The following SNTG2 variants were observed in gnomAD, a reference collection of about 807,000 sequenced individuals.
SNTG2 encodes syntrophin gamma 2, also known as gamma-2-syntrophin.
Under a neutral mutation model 70.9 loss-of-function variants are expected in SNTG2, and 74 were observed. That is an observed-to-expected ratio of 1.04 (90% CI 0.86 to 1.27). The LOEUF (loss-of-function observed/expected upper bound fraction) is 1.27, where lower values mean the gene tolerates loss of function less well. SNTG2 is among the 50% of genes most tolerant of loss of function. The pLI is 0.00. For missense variants in SNTG2, 717 were observed against 690.7 expected (o/e 1.04, Z -0.43); for synonymous variants, 278 against 273.8 (o/e 1.02, Z -0.15).
At chr2:1,070,190 GCCCACCGGAGAC>G (rs1284105240) in intron 1 of SNTG2, among the ~76,000 whole-genome samples, 1 of 152,054 alleles carries the variant, frequency 6.6e-6, no homozygotes, top group Non-Finnish European at 1.5e-5. Context: ...ATTACCCTGA[GCCCACCGGAGAC>G]CCCACCTGAC....
intron 12 of SNTG2, among the ~76,000 whole-genome samples, chr2:1,256,029 T>A (rs138964637): frequency 1.3e-5 from 2 of 150,224 alleles, no homozygotes; most frequent in East Asian, 3.9e-4. Context: ...AAATGCACAG[T>A]TAGGCAATTT....
At chr2:1,191,341 A>G (rs1014045236) in intron 8 of SNTG2, among the ~76,000 whole-genome samples, 1 of 152,162 alleles carries the variant, frequency 6.6e-6, no homozygotes, top group Admixed American at 6.5e-5. Flanking sequence ...TTACATTTGT[A>G]TTATTTTTCT....
intron 6 of SNTG2, among the ~76,000 whole-genome samples, chr2:1,162,091 AAAG>A: frequency 6.8e-6 from 1 of 147,754 alleles, no homozygotes; most frequent in Non-Finnish European, 1.5e-5. Context: ...AAAAAAAAAA[AAAG>A]TGCTTGTTTT....
chr2:1,191,265 C>G (rs28366408), intron 8 of SNTG2, among the ~76,000 whole-genome samples: 47,966 of 151,992 alleles, frequency 0.32, 8,158 homozygotes, highest in East Asian at 0.66. Flanking sequence ...GCTGGGTAGA[C>G]GAAGTTTTAC....
chr2:1,098,298 C>T, intron 3 of SNTG2, 46 bp downstream of exon 3: 1 of 1,613,640 alleles, frequency 6.2e-7, no homozygotes, highest in Non-Finnish European at 8.5e-7. Flanking sequence ...TTTTGAAGAA[C>T]TTTCCAGTGT....
chr2:1,308,212 G>A (rs1375090626), intron 14 of SNTG2, among the ~76,000 whole-genome samples: 1 of 152,134 alleles, frequency 6.6e-6, no homozygotes, highest in African/African-American at 2.4e-5. Context: ...GAGATTGGCT[G>A]GGCTCTGTGC....
At position 1,052,834 on chromosome 2, in the gene SNTG2, G is replaced by T. The variant is rs532170718; in HGVS notation, c.73-30684G>T. On this transcript the variant is annotated intron_variant, in intron 1 of 16. Coordinates refer to ENST00000308624, the MANE Select transcript of SNTG2 (RefSeq NM_018968.4). ...ATGAGGTCGCTGATTTTCACCTTTA[G>T]TTTCTGCATGCATTCCAGCTGTAAG... Among the ~76,000 whole-genome samples, 9 of 152,272 alleles carry T rather than the reference G, an allele frequency of 5.9e-5. No homozygotes were observed. In the South Asian group the frequency reaches 1.4e-3, roughly 25 times the overall value.
chr2:1,069,640 A>G (rs867289833), intron 1 of SNTG2, among the ~76,000 whole-genome samples: 1 of 151,966 alleles, frequency 6.6e-6, no homozygotes, highest in Non-Finnish European at 1.5e-5. Context: ...AAAATACAAA[A>G]ATTTGCTGGG....
At chr2:991,372 T>TAC (rs61002101) in intron 1 of SNTG2, among the ~76,000 whole-genome samples, 4,369 of 140,228 alleles carry the variant, frequency 0.031, 101 homozygotes, top group African/African-American at 0.06. Flanking sequence ...TCTGTAATAT[T>TAC]ACACACACAC....
intron 9 of SNTG2, among the ~76,000 whole-genome samples, chr2:1,231,929 C>A (rs1676279920): frequency 6.6e-6 from 1 of 152,206 alleles, no homozygotes; most frequent in Non-Finnish European, 1.5e-5. Flanking sequence ...AGCAAACACA[C>A]AGGCTCGTGA....
intron 14 of SNTG2, among the ~76,000 whole-genome samples, chr2:1,277,245 CAGAG>C (rs1479912517): frequency 6.6e-6 from 1 of 152,120 alleles, no homozygotes; most frequent in African/African-American, 2.4e-5. Flanking sequence ...TCACATGCTA[CAGAG>C]AAAGTTTTCA....
At chr2:1,007,213 ACT>A (rs569607646) in intron 1 of SNTG2, among the ~76,000 whole-genome samples, 3 of 151,864 alleles carry the variant, frequency 2.0e-5, no homozygotes, top group Non-Finnish European at 4.4e-5. Context: ...ACACTGCATG[ACT>A]CTCACACACA....
chr2:1,113,806 AAGTG>A (rs1258253467), intron 4 of SNTG2, among the ~76,000 whole-genome samples: 1 of 150,952 alleles, frequency 6.6e-6, no homozygotes, highest in Non-Finnish European at 1.5e-5. Context: ...CGTGTGTACT[AAGTG>A]AGGTTTAACC....
intron 8 of SNTG2, among the ~76,000 whole-genome samples, chr2:1,175,844 C>A (rs896323425): frequency 3.3e-5 from 5 of 152,172 alleles, no homozygotes; most frequent in Non-Finnish European, 7.3e-5. Flanking sequence ...GATTCGGTGC[C>A]ATTTCAGGAA....
intron 1 of SNTG2, among the ~76,000 whole-genome samples, chr2:1,080,545 C>T (rs964628079): frequency 1.3e-5 from 2 of 151,472 alleles, no homozygotes; most frequent in Admixed American, 6.6e-5. Context: ...TGTGTGTGTG[C>T]ATGCATCCCT....
intron 13 of SNTG2, among the ~76,000 whole-genome samples, chr2:1,265,895 T>G (rs1678703083): frequency 6.6e-6 from 1 of 152,074 alleles, no homozygotes; most frequent in African/African-American, 2.4e-5. Flanking sequence ...CCCAGGTGTC[T>G]CCCCTTGTTT....
chr2:1,152,541 T>G (rs1248410932), intron 6 of SNTG2, among the ~76,000 whole-genome samples: 1 of 150,306 alleles, frequency 6.7e-6, no homozygotes, highest in Non-Finnish European at 1.5e-5. Flanking sequence ...TATTCATGTG[T>G]GCACACACGT....
chr2:1,187,824 G>A (rs576639281), intron 8 of SNTG2, among the ~76,000 whole-genome samples: 1 of 152,292 alleles, frequency 6.6e-6, no homozygotes, highest in African/African-American at 2.4e-5. Flanking sequence ...ATGTAGGAAA[G>A]AAAAATAACT....
intron 1 of SNTG2, among the ~76,000 whole-genome samples, chr2:1,044,652 G>GT (rs1361919185): frequency 2.0e-5 from 3 of 152,038 alleles, no homozygotes; most frequent in East Asian, 1.9e-4. Context: ...ATGATAATAT[G>GT]TTTTTTTGTT....
Sources: gnomAD v4.1 joint callset for allele counts (sites outside exome capture counted in the v4.1 genomes callset) on GRCh38, gnomAD v4.1.1 for gene constraint, MANE v1.5 for transcripts, NCBI Gene and HGNC (gene_info 2026-07-23, HGNC 2026-07-21) for gene names.